The following BNIP2 variants were observed in gnomAD, a reference collection of about 807,000 sequenced individuals.
The protein encoded by BNIP2 is BCL2/adenovirus E1B 19 kDa protein-interacting protein 2.
In BNIP2, 36 loss-of-function variants were observed where a neutral mutation model predicts 43.4. The observed-to-expected ratio is 0.83, with a 90% confidence interval of 0.64 to 1.10. BNIP2 has a LOEUF of 1.10. Among genes scored for constraint, BNIP2 ranks in the 50% least tolerant of loss-of-function variants. The pLI, the probability that BNIP2 is intolerant of heterozygous loss-of-function variation, is 0.00. For missense variants in BNIP2, 417 were observed against 374.1 expected (o/e 1.11, Z -0.95); for synonymous variants, 146 against 121.0 (o/e 1.21, Z -1.35).
chr15:59,686,858 A>T (rs971686618), intron 1 of BNIP2, among the ~76,000 whole-genome samples: 6 of 152,082 alleles, frequency 3.9e-5, no homozygotes, highest in Middle Eastern at 3.2e-3. Flanking sequence ...CTCTACCAAA[A>T]ATACAAAAAT....
intron 1 of BNIP2, among the ~76,000 whole-genome samples, chr15:59,684,143 G>A (rs961640622): frequency 1.3e-5 from 2 of 152,156 alleles, no homozygotes; most frequent in Non-Finnish European, 2.9e-5. Context: ...TCTCTGCCAA[G>A]GCTGGAAGAC....
chr15:59,666,592 G>A (rs1323982494), intron 9 of BNIP2, among the ~76,000 whole-genome samples: 1 of 152,066 alleles, frequency 6.6e-6, no homozygotes, highest in African/African-American at 2.4e-5. Flanking sequence ...GCTTGAACCC[G>A]GGAGGCAGAG....
rs1283227834 is a variant in BNIP2 at position 59,689,319 on chromosome 15, G to A, written c.-242C>T. The A allele has an allele frequency of 3.2e-6, 5 of 1,547,556 alleles. No homozygotes were observed. Among genetic ancestry groups the A allele is most frequent in the East Asian group, 4.9e-5 (2 of 40,820 alleles). On this transcript the variant is annotated 5_prime_UTR_variant, in exon 1 of 10. Coordinates refer to ENST00000607373, the MANE Select transcript of BNIP2 (RefSeq NM_004330.4). ...GGCGGCAGCAGCTGACCCGGACACA[G>A]TGAGAAGCCCCGGCGGAAGTGATAA...
At chr15:59,680,467 G>C (rs1893598283) in intron 2 of BNIP2, among the ~76,000 whole-genome samples, 159 bp from the exon 3 acceptor site, 1 of 152,212 alleles carries the variant, frequency 6.6e-6, no homozygotes, top group Non-Finnish European at 1.5e-5. Context: ...CTGTCACCTA[G>C]GCTGGAATAC....
At chr15:59,688,895 G>C in intron 1 of BNIP2, 1 of 1,474,478 alleles carries the variant, frequency 6.8e-7, no homozygotes, top group South Asian at 1.4e-5. Context: ...AAAAGCGACG[G>C]GGTGGGGGGC....
In BNIP2 at chr15:59,664,744, G is replaced by A. The variant is rs6151579; in HGVS notation, c.894-624C>T. ...AAATCTTGACCTGTAACTTGGCTGT[G>A]GTAGGGATCCAGGTGGTACGAAAAT... On this transcript the variant is annotated intron_variant, in intron 9 of 9. Transcript: ENST00000607373. Among the ~76,000 whole-genome samples, 351 of 152,244 alleles carry A rather than the reference G, an allele frequency of 2.3e-3. 2 individuals carry two copies. Among genetic ancestry groups the A allele is most frequent in the African/African-American group, 8.0e-3 (332 of 41,548 alleles).
At chr15:59,684,364 T>C (rs1043410664) in intron 1 of BNIP2, among the ~76,000 whole-genome samples, 42 of 152,250 alleles carry the variant, frequency 2.8e-4, no homozygotes, top group African/African-American at 9.6e-4. Context: ...GCAGTTTTTA[T>C]AAGTTAATGA....
intron 7 of BNIP2, among the ~76,000 whole-genome samples, 169 bp downstream of exon 7, chr15:59,671,014 G>C (rs1415159432): frequency 6.6e-6 from 1 of 151,330 alleles, no homozygotes; most frequent in Non-Finnish European, 1.5e-5. Flanking sequence ...TGGAGGTTGC[G>C]GTGAACCGAG....
At position 59,676,882 on chromosome 15, in the gene BNIP2, C is replaced by T. The variant is rs901838700; in HGVS notation, c.472+1029G>A. 92 of 1,594,978 alleles carry T rather than the reference C, an allele frequency of 5.8e-5. 1 individual carries two copies. The Middle Eastern group carries it at 8.2e-4, about 14-fold the overall frequency. ...CTGGGCTCTCGCTGCGTTCGCTCAC[C>T]GCTGTCACCTGCACGGTGTGGCTGG... On this transcript the variant is annotated intron_variant, in intron 5 of 9. Transcript: ENST00000607373.
intron 1 of BNIP2, among the ~76,000 whole-genome samples, chr15:59,687,632 CA>C (rs1456143222): frequency 1.3e-5 from 2 of 152,080 alleles, no homozygotes; most frequent in African/African-American, 4.8e-5. Context: ...CTTGGCCACC[CA>C]AAGTAACAAG....
At chr15:59,680,158 T>C in intron 3 of BNIP2, 83 bp downstream of exon 3, 1 of 1,130,522 alleles carries the variant, frequency 8.8e-7, no homozygotes, top group Non-Finnish European at 1.2e-6. Flanking sequence ...ACTCAAGTTT[T>C]TTTTTTTTTT....
At chr15:59,670,192 G>A (rs1227597483) in intron 7 of BNIP2, among the ~76,000 whole-genome samples, 2 of 152,316 alleles carry the variant, frequency 1.3e-5, no homozygotes, top group East Asian at 3.9e-4. Context: ...CACTTTGGGA[G>A]GCTGAGGCAG....
rs1221445410 is a variant in BNIP2, at chr15:59,676,017, G to C, written c.472+1894C>G. Among the ~76,000 whole-genome samples, 3 of 152,122 alleles carry C rather than the reference G, an allele frequency of 2.0e-5. No individual in the cohort carries two copies. In the East Asian group the frequency reaches 5.8e-4, roughly 29 times the overall value. On this transcript the variant is annotated intron_variant, in intron 5 of 9. Transcript: ENST00000607373. ...CAATGAAAATGTTCTACATTTTTAG[G>C]GGTATGGGTTTTATATATATGGGTA...
chr15:59,673,273 C>T (rs1417139797), intron 5 of BNIP2, among the ~76,000 whole-genome samples: 1 of 151,982 alleles, frequency 6.6e-6, no homozygotes, highest in Non-Finnish European at 1.5e-5. Context: ...CCACCGTGCC[C>T]GGCTAATTTT....
intron 6 of BNIP2, 80 bp from the exon 7 acceptor site, chr15:59,671,394 C>T: frequency 8.0e-7 from 1 of 1,253,536 alleles, no homozygotes; most frequent in Admixed American, 2.4e-5. Flanking sequence ...TACCATTATA[C>T]AATTCCTTCC....
intron 7 of BNIP2, among the ~76,000 whole-genome samples, chr15:59,670,710 C>T (rs1157579279): frequency 6.6e-6 from 1 of 152,024 alleles, no homozygotes; most frequent in Non-Finnish European, 1.5e-5. Context: ...TTCTAAAATG[C>T]TATCTTTAGA....
intron 5 of BNIP2, 69 bp downstream of exon 5, chr15:59,677,842 T>C (rs1248888324): frequency 7.3e-6 from 11 of 1,517,054 alleles, no homozygotes; most frequent in Middle Eastern, 1.8e-4. Flanking sequence ...AATAAACAGA[T>C]ATCCTTCCAA....
chr15:59,689,012 G>T, intron 1 of BNIP2, 123 bp downstream of exon 1: 2 of 1,446,320 alleles, frequency 1.4e-6, no homozygotes, highest in East Asian at 2.5e-5. Context: ...CCTACCAAGG[G>T]TAACTCTCTG....
At chr15:59,678,905 A>G (rs1226649699) in intron 4 of BNIP2, 3 of 1,281,316 alleles carry the variant, frequency 2.3e-6, no homozygotes, top group Admixed American at 2.4e-5. Context: ...TTTACAAAGT[A>G]TTGCTTACTA....
Sources: allele counts gnomAD v4.1 joint callset (sites outside exome capture counted in the v4.1 genomes callset), GRCh38; gene constraint gnomAD v4.1.1; transcripts MANE v1.5; gene names NCBI Gene and HGNC (gene_info 2026-07-23, HGNC 2026-07-21).